Variants in C10orf67 observed in about 807,000 individuals in gnomAD.
C10orf67 encodes chromosome 10 open reading frame 67.
A neutral mutation model predicts 35.6 loss-of-function variants in C10orf67; 60 were observed. The ratio of observed to expected loss-of-function variants is 1.68; its 90% CI spans 1.37 to 2.09. The LOEUF (loss-of-function observed/expected upper bound fraction) is 2.09. C10orf67 is among the 30% of genes most tolerant of loss of function. The pLI is 0.00. For missense variants in C10orf67, 474 were observed against 330.2 expected (o/e 1.44, Z -3.38); for synonymous variants, 167 against 115.8 (o/e 1.44, Z -2.84).
chr10:23,230,101 T>C (rs2132120305), intron 13 of C10orf67, among the ~76,000 whole-genome samples: 1 of 152,242 alleles, frequency 6.6e-6, no homozygotes, highest in Non-Finnish European at 1.5e-5. Flanking sequence ...GATTTAGATA[T>C]TAAATCAGTG....
chr10:23,331,230 G>A (rs865992349), intron 2 of C10orf67, among the ~76,000 whole-genome samples: 14 of 18,902 alleles, frequency 7.4e-4, no homozygotes, highest in South Asian at 3.4e-3. Flanking sequence ...GGGAAGGGAG[G>A]AGGGAAGGGA....
chr10:23,328,993 C>CAAAAAAAAAAAAAAAAAAAG (rs1845312488), intron 2 of C10orf67, among the ~76,000 whole-genome samples: 1 of 78,732 alleles, frequency 1.3e-5, no homozygotes, highest in African/African-American at 4.9e-5. Context: ...CATAAACGAA[C>CAAAAAAAAAAAAAAAAAAAG]AAAAAAAAAA....
At chr10:23,315,923 G>A (rs2132321150) in intron 4 of C10orf67, among the ~76,000 whole-genome samples, 1 of 152,066 alleles carries the variant, frequency 6.6e-6, no homozygotes, top group African/African-American at 2.4e-5. Context: ...GGTTCAAGCA[G>A]TCCTCCCACC....
intron 10 of C10orf67, among the ~76,000 whole-genome samples, chr10:23,259,849 A>G (rs569970346): frequency 1.4e-4 from 22 of 152,306 alleles, no homozygotes; most frequent in African/African-American, 5.3e-4. Context: ...TTAGGTTAAA[A>G]AAAAGACAAC....
At chr10:23,256,547 T>C (rs542177623) in intron 10 of C10orf67, among the ~76,000 whole-genome samples, 75 of 152,292 alleles carry the variant, frequency 4.9e-4, no homozygotes, top group African/African-American at 1.8e-3. Flanking sequence ...AGAAGCACCA[T>C]GCCAGCTTCA....
chr10:23,337,143 A>G (rs1040068785), intron 1 of C10orf67, among the ~76,000 whole-genome samples: 2 of 152,232 alleles, frequency 1.3e-5, no homozygotes, highest in African/African-American at 4.8e-5. Context: ...GAATGAATGA[A>G]TGAATGAACA....
chr10:23,339,045 T>C (rs148943934), intron 1 of C10orf67, among the ~76,000 whole-genome samples: 116 of 152,318 alleles, frequency 7.6e-4, no homozygotes, highest in Admixed American at 1.2e-3. Flanking sequence ...CTCACTCTTA[T>C]GCCTCATAAC....
intron 13 of C10orf67, among the ~76,000 whole-genome samples, chr10:23,228,795 G>C (rs368139609): frequency 6.6e-6 from 1 of 152,000 alleles, no homozygotes; most frequent in South Asian, 2.1e-4. Context: ...GACACTTCTC[G>C]AAAGAAGACA....
intron 1 of C10orf67, among the ~76,000 whole-genome samples, chr10:23,339,536 A>G (rs1845807867): frequency 6.6e-6 from 1 of 152,176 alleles, no homozygotes; most frequent in African/African-American, 2.4e-5. Flanking sequence ...CCACTGGGCA[A>G]GCCATCCCTG....
intron 8 of C10orf67, among the ~76,000 whole-genome samples, chr10:23,271,669 A>G (rs1008147969): frequency 2.0e-5 from 3 of 152,174 alleles, no homozygotes; most frequent in Non-Finnish European, 2.9e-5. Flanking sequence ...CTCCCTAAAG[A>G]CTAATGATGT....
At chr10:23,281,298 AAT>A (rs1843357068) in intron 8 of C10orf67, among the ~76,000 whole-genome samples, 1 of 152,232 alleles carries the variant, frequency 6.6e-6, no homozygotes, top group East Asian at 1.9e-4. Flanking sequence ...TAAAAAAGCG[AAT>A]GTTTCAATAT....
intron 12 of C10orf67, among the ~76,000 whole-genome samples, chr10:23,240,324 C>T (rs1482337155): frequency 6.6e-6 from 1 of 152,166 alleles, no homozygotes; most frequent in African/African-American, 2.4e-5. Flanking sequence ...GCATTTCTCA[C>T]CAAAATAATT....
intron 13 of C10orf67, among the ~76,000 whole-genome samples, chr10:23,227,847 A>G (rs539674721): frequency 3.2e-4 from 48 of 152,334 alleles, no homozygotes; most frequent in Non-Finnish European, 6.0e-4. Context: ...AATTGCTTCA[A>G]AGAGAATAAA....
At chr10:23,276,601 G>A (rs1421621140) in intron 8 of C10orf67, among the ~76,000 whole-genome samples, 1 of 152,066 alleles carries the variant, frequency 6.6e-6, no homozygotes, top group Admixed American at 6.5e-5. Flanking sequence ...TGTCCTGTCT[G>A]TTAATTTTCT....
At chr10:23,314,804 G>A (rs1179482976) in intron 4 of C10orf67, among the ~76,000 whole-genome samples, 4 of 152,144 alleles carry the variant, frequency 2.6e-5, no homozygotes, top group Non-Finnish European at 5.9e-5. Flanking sequence ...ATAGCCAACA[G>A]AGAGACTCTA....
At position 23,236,600 on chromosome 10, in the gene C10orf67, G is replaced by A. The variant is rs143800393; in HGVS notation, c.1434+3129C>T. On this transcript the variant is annotated intron_variant, in intron 13 of 15. Coordinates refer to ENST00000636213, the MANE Select transcript of C10orf67 (RefSeq NM_001371909.1). ...TTATTTTTTGTAAAAAACTTTGGCC[G>A]GGCGTGGTGGCTCACACCTGTAATC... Among the ~76,000 whole-genome samples, 239 of 152,180 alleles carry A rather than the reference G, an allele frequency of 1.6e-3. 1 individual carries two copies. Among genetic ancestry groups the A allele is most frequent in the African/African-American group, 5.2e-3 (215 of 41,510 alleles).
At chr10:23,330,981 A>AG (rs1845423712) in intron 2 of C10orf67, among the ~76,000 whole-genome samples, 2 of 145,856 alleles carry the variant, frequency 1.4e-5, no homozygotes, top group South Asian at 2.3e-4. Context: ...AGGGGAGGGA[A>AG]ACTGGTAAGG....
chr10:23,258,280 A>C (rs1842657546), intron 10 of C10orf67: 1 of 164,614 alleles, frequency 6.1e-6, no homozygotes, highest in Non-Finnish European at 1.4e-5. Context: ...AAGGCTCTCC[A>C]GCACAGACAG....
chr10:23,323,251 T>G (rs1353661753), intron 2 of C10orf67, among the ~76,000 whole-genome samples: 1 of 152,186 alleles, frequency 6.6e-6, no homozygotes, highest in Non-Finnish European at 1.5e-5. Context: ...GCACAAGCAT[T>G]TAAATATGTA....
Sources: allele counts gnomAD v4.1 joint callset (sites outside exome capture counted in the v4.1 genomes callset), GRCh38; gene constraint gnomAD v4.1.1; transcripts MANE v1.5; gene names NCBI Gene and HGNC (gene_info 2026-07-23, HGNC 2026-07-21).